LPO: variants seen among roughly 807,000 people sequenced by gnomAD.
LPO encodes lactoperoxidase.
In LPO, 70 loss-of-function variants were observed where a neutral mutation model predicts 68.4. The ratio of observed to expected loss-of-function variants is 1.02; its 90% CI spans 0.84 to 1.25. The LOEUF (loss-of-function observed/expected upper bound fraction) is 1.25, where lower values mean the gene tolerates loss of function less well. LPO is among the 50% of genes most tolerant of loss of function. The pLI, the probability that LPO is intolerant of heterozygous loss-of-function variation, is 0.00. For missense variants in LPO, 873 were observed against 908.4 expected (o/e 0.96, Z 0.50); for synonymous variants, 360 against 357.6 (o/e 1.01, Z -0.08).
At chr17:58,254,535 T>G in intron 8 of LPO, 1 of 290,406 alleles carries the variant, frequency 3.4e-6, no homozygotes, top group Middle Eastern at 1.0e-3. Flanking sequence ...GTGATAGGCT[T>G]TATTCTCATT....
rs1340156634 is a variant in LPO at position 58,250,489 on chromosome 17, C to T, written c.648C>T (p.Leu216=). 1.9e-6 allele frequency: 3 copies of T among 1,614,176 alleles called. No homozygotes were observed. The South Asian group carries it at 3.3e-5, about 18-fold the overall frequency. Residue 216 remains leucine (L), a synonymous_variant, in exon 7 of 13, where the codon CTC becomes CTT. Coordinates refer to ENST00000262290, the MANE Select transcript of LPO (RefSeq NM_006151.3). ...EGVLDQNRSL[L]FMQWGQIVDH... The stretch of plus-strand genomic sequence containing the variant: ...TTCTGGACCAAAACAGGTCCCTGCT[C>T]TTCATGCAGTGGGGTCAGATTGTGG...
intron 9 of LPO, among the ~76,000 whole-genome samples, chr17:58,261,915 G>C (rs1442969380): frequency 2.6e-5 from 4 of 152,116 alleles, no homozygotes; most frequent in African/African-American, 9.7e-5. Flanking sequence ...CATTTCAAGT[G>C]ACATGTAGAA....
At chr17:58,245,281 T>G (rs926663739) in intron 3 of LPO, among the ~76,000 whole-genome samples, 8 of 152,228 alleles carry the variant, frequency 5.3e-5, no homozygotes, top group African/African-American at 1.7e-4. Flanking sequence ...TTTCTGCTCC[T>G]TGGGGGTTAA....
chr17:58,256,997 T>G (rs1970086397), intron 9 of LPO, among the ~76,000 whole-genome samples: 1 of 141,482 alleles, frequency 7.1e-6, no homozygotes, highest in African/African-American at 2.7e-5. Flanking sequence ...ACTCTTTTTT[T>G]TTTTTTTTTT....
chr17:58,246,762 G>A (rs1969859837), intron 3 of LPO, among the ~76,000 whole-genome samples: 1 of 152,212 alleles, frequency 6.6e-6, no homozygotes, highest in South Asian at 2.1e-4. Context: ...GTGAGTGTGT[G>A]CTCTGTGCAG....
Position 58,267,584 on chromosome 17 carries a change from C to T in LPO, c.1929C>T (p.Asp643=). The part of the protein sequence containing the change: ...GKQFQQIRDG[D]RFWWENPGVF... ...AGTTCCAGCAGATCCGTGATGGAGA[C>T]AGGCAAGTGCGTCCTCAGCCAGGGA... The change falls in exon 12 of 13, where the codon GAC becomes GAT. Residue 643 remains aspartate, a splice_region_variant and synonymous_variant. Transcript: ENST00000262290. The T allele has an allele frequency of 6.2e-7, 1 of 1,604,186 alleles. No homozygotes were observed. Among genetic ancestry groups the T allele is most frequent in the Non-Finnish European group, 8.5e-7 (1 of 1,173,512 alleles).
intron 8 of LPO, among the ~76,000 whole-genome samples, chr17:58,253,475 G>A (rs1451677137): frequency 6.6e-6 from 1 of 152,206 alleles, no homozygotes; most frequent in Non-Finnish European, 1.5e-5. Context: ...TAGATGAAGA[G>A]GAATGTATAT....
At position 58,267,915 on chromosome 17, in the gene LPO, AC is replaced by A. The variant is rs779416217; in HGVS notation, c.2061del (p.Asn687LysfsTer24). On this transcript the variant is annotated frameshift_variant, in exon 13 of 13. Transcript: ENST00000262290. LOFTEE classifies it high-confidence loss of function. ...TKVPRDPFWA[N>X]SYPYDFVDCS... is the part of the protein sequence containing the mutation. The stretch of plus-strand genomic sequence containing the variant: ...GTCCCACGGGACCCATTCTGGGCCA[AC>A]AGCTACCCCTATGACTTCGTGGATT... 1.2e-6 allele frequency: 2 copies of A among 1,614,176 alleles called. No homozygotes were observed. The highest frequency in any genetic ancestry group is 2.2e-5 in the South Asian group (2 of 91,082).
At chr17:58,261,480 C>A (rs1018622170) in intron 9 of LPO, among the ~76,000 whole-genome samples, 2 of 151,864 alleles carry the variant, frequency 1.3e-5, no homozygotes, top group Non-Finnish European at 2.9e-5. Context: ...CCATCAATTT[C>A]AACCTACCTA....
chr17:58,257,319 T>A (rs1433536561), intron 9 of LPO, among the ~76,000 whole-genome samples: 3 of 152,154 alleles, frequency 2.0e-5, no homozygotes. Context: ...CTGGTAACCA[T>A]CTTTCTACTT....
intron 9 of LPO, among the ~76,000 whole-genome samples, chr17:58,260,615 A>T (rs1292532418): frequency 6.6e-6 from 1 of 152,108 alleles, no homozygotes. Flanking sequence ...GAACTTTGTC[A>T]AACGGTTTTT....
chr17:58,247,688 C>A, intron 4 of LPO, 50 bp downstream of exon 4: 2 of 1,580,256 alleles, frequency 1.3e-6, no homozygotes, highest in Admixed American at 1.8e-5. Context: ...CATCTCCCCA[C>A]AGGAGAAAGC....
chr17:58,249,623 G>A lies in LPO; in HGVS notation c.501G>A (p.Glu167=). The stretch of plus-strand genomic sequence containing the variant: ...CTCTGGCGCGCTGGCTGCCCGCGGA[G>A]TACGAGGACGGGCTCTCCCTGCCCT... ...NRALARWLPA[E]YEDGLSLPFG... The change falls in exon 6 of 13, where the codon GAG becomes GAA. Residue 167 remains glutamate (E), a synonymous_variant. Transcript: ENST00000262290. 6.2e-7 allele frequency: 1 copy of A among 1,602,614 alleles called. No individual in the cohort carries two copies. Among genetic ancestry groups the A allele is most frequent in the Non-Finnish European group, 8.5e-7 (1 of 1,179,036 alleles).
intron 3 of LPO, among the ~76,000 whole-genome samples, chr17:58,244,839 G>A (rs1386259638): frequency 6.6e-6 from 1 of 152,230 alleles, no homozygotes; most frequent in African/African-American, 2.4e-5. Flanking sequence ...TGGCAGCAAG[G>A]GGAAGAGCCC....
intron 9 of LPO, among the ~76,000 whole-genome samples, chr17:58,259,572 T>G (rs1178707982): frequency 6.6e-6 from 1 of 152,234 alleles, no homozygotes; most frequent in Non-Finnish European, 1.5e-5. Context: ...TCCCTTTCCA[T>G]ACATATTATT....
chr17:58,243,378 C>T (rs766872522), intron 2 of LPO: 11 of 314,712 alleles, frequency 3.5e-5, no homozygotes, highest in African/African-American at 1.3e-4. Flanking sequence ...GATTTAGGGC[C>T]GATGCTAAGG....
At chr17:58,241,535 T>C (rs1286983802) in intron 1 of LPO, among the ~76,000 whole-genome samples, 1 of 152,126 alleles carries the variant, frequency 6.6e-6, no homozygotes, top group African/African-American at 2.4e-5. Context: ...TCCCCTGAAG[T>C]TGCAAAATAT....
rs771434222 is a variant in LPO, at chr17:58,250,544, G to A, written c.703G>A (p.Glu235Lys). The change falls in exon 7 of 13, where the codon GAG becomes AAG. Residue 235 changes from glutamate (E) to lysine (K), a missense_variant. Transcript: ENST00000262290. ...TGACCTGGACTTTGCCCCTGACACC[G>A]AGCTGGGGAGTAGCGAGTACTCCAA... ...DHDLDFAPDT[E>K]LGSSEYSKAQ... The A allele has an allele frequency of 5.0e-6, 8 of 1,613,986 alleles. No homozygotes were observed. Among genetic ancestry groups the A allele is most frequent in the South Asian group, 1.1e-5 (1 of 91,088 alleles).
At position 58,252,296 on chromosome 17, in the gene LPO, G is replaced by A. The variant is rs376165550; in HGVS notation, c.895G>A (p.Ala299Thr). ...GTCCCTGGCCCGAGAGCAGATCAAC[G>A]CTCTGACCTCCTTCCTGGATGCCAG... ...YKSLAREQIN[A>T]LTSFLDASFV... Residue 299 changes from alanine to threonine, a missense_variant, in exon 8 of 13, where the codon GCT (alanine) becomes ACT (threonine). Transcript: ENST00000262290. 3.7e-5 allele frequency: 60 copies of A among 1,614,026 alleles called. No homozygotes were observed. Among genetic ancestry groups the A allele is most frequent in the African/African-American group, 3.2e-4 (24 of 74,892 alleles).
Sources: gnomAD v4.1 joint callset for allele counts (sites outside exome capture counted in the v4.1 genomes callset) on GRCh38, gnomAD v4.1.1 for gene constraint, MANE v1.5 for transcripts, NCBI Gene and HGNC (gene_info 2026-07-23, HGNC 2026-07-21) for gene names.